The following RPS6KA5 variants were observed in gnomAD, a reference collection of about 807,000 sequenced individuals.
RPS6KA5 encodes the protein ribosomal protein S6 kinase alpha-5.
Under a neutral mutation model 85.5 loss-of-function variants are expected in RPS6KA5, and 27 were observed. The observed-to-expected ratio is 0.32, with a 90% CI of 0.23 to 0.44. RPS6KA5 has a LOEUF of 0.44. Among genes scored for constraint, RPS6KA5 ranks in the 20% least tolerant of loss-of-function variants. The probability of loss-of-function intolerance (pLI) is 1.00; values close to 1 mark genes in which losing one functional copy is unlikely to be tolerated. For missense variants in RPS6KA5, 811 were observed against 980.9 expected, an observed-to-expected ratio of 0.83 and a Z score of 2.31; for synonymous variants, 334 against 348.2, an observed-to-expected ratio of 0.96 and a Z score of 0.46.
chr14:91,060,458 C>A lies in RPS6KA5; in HGVS notation c.-24G>T. 2 of 1,417,964 alleles carry A rather than the reference C, an allele frequency of 1.4e-6. No individual in the cohort carries two copies. The highest frequency in any genetic ancestry group is 2.4e-5 in the Admixed American group (1 of 42,010). 87.8% of individuals were successfully genotyped at this position (1,417,964 alleles called of 1,614,324 possible). ...ATCTTCTCCTTTTTTTCCGATCCCG[C>A]GGGTCGCTACGAGGGGAACCCAGGA... On this transcript the variant is annotated 5_prime_UTR_variant, in exon 1 of 17. Coordinates refer to ENST00000614987, the MANE Select transcript of RPS6KA5 (RefSeq NM_004755.4).
At chr14:90,980,691 C>T (rs980232822) in intron 2 of RPS6KA5, among the ~76,000 whole-genome samples, 1 of 152,210 alleles carries the variant, frequency 6.6e-6, no homozygotes, top group Non-Finnish European at 1.5e-5. Flanking sequence ...GCCAGTCTTA[C>T]CTGTGGTCTA....
chr14:90,989,935 A>T (rs1436822168), intron 2 of RPS6KA5, among the ~76,000 whole-genome samples: 1 of 152,196 alleles, frequency 6.6e-6, no homozygotes, highest in South Asian at 2.1e-4. Flanking sequence ...ATCCAGAGGA[A>T]AGATTGCAGA....
At chr14:90,939,904 T>G (rs557600733) in intron 5 of RPS6KA5, among the ~76,000 whole-genome samples, 1 of 152,244 alleles carries the variant, frequency 6.6e-6, no homozygotes, top group Admixed American at 6.5e-5. Context: ...TATTTTGATA[T>G]GAGTTGGGGC....
intron 5 of RPS6KA5, among the ~76,000 whole-genome samples, chr14:90,934,831 T>C (rs1156940861): frequency 6.6e-6 from 1 of 152,164 alleles, no homozygotes; most frequent in Non-Finnish European, 1.5e-5. Flanking sequence ...AAAATCTCAC[T>C]AATGAACGGC....
intron 8 of RPS6KA5, among the ~76,000 whole-genome samples, chr14:90,903,600 T>C (rs181400604): frequency 1.3e-5 from 2 of 152,346 alleles, no homozygotes; most frequent in African/African-American, 2.4e-5. Flanking sequence ...CCCCATAGAA[T>C]AATGCAAGCC....
At chr14:91,001,935 G>T (rs77526070) in intron 1 of RPS6KA5, among the ~76,000 whole-genome samples, 3,224 of 152,192 alleles carry the variant, frequency 0.021, 46 homozygotes, top group Middle Eastern at 0.044. Context: ...AAAGTTAAAC[G>T]ATTTCTTTAC....
intron 1 of RPS6KA5, among the ~76,000 whole-genome samples, chr14:91,015,863 T>A (rs75113375): frequency 6.6e-6 from 1 of 152,360 alleles, no homozygotes; most frequent in African/African-American, 2.4e-5. Flanking sequence ...AATCTAATAC[T>A]ATGAAAACTG....
At chr14:90,932,141 T>G (rs903940332) in intron 5 of RPS6KA5, among the ~76,000 whole-genome samples, 1 of 152,200 alleles carries the variant, frequency 6.6e-6, no homozygotes, top group African/African-American at 2.4e-5. Flanking sequence ...TTCATTCATT[T>G]GAGACAGGGT....
chr14:90,852,992 A>G lies in RPS6KA5; in HGVS notation c.*19082T>C, dbSNP rs2032087559. On this transcript the variant is annotated 3_prime_UTR_variant, in exon 17 of 17. Transcript: ENST00000614987. ...GTGATCCGCCCGCCTCGGCCTCCCA[A>G]AGTGCTGGGATTACAGGCATGAACC... The G allele has an allele frequency of 6.6e-6, 1 of 152,064 alleles. No individual in the cohort carries two copies. Among genetic ancestry groups the G allele is most frequent in the Non-Finnish European group, 1.5e-5 (1 of 68,044 alleles). 9.4% of individuals were successfully genotyped at this position (152,064 alleles called of 1,614,324 possible).
chr14:91,022,301 T>A (rs2041819846), intron 1 of RPS6KA5, among the ~76,000 whole-genome samples: 1 of 152,198 alleles, frequency 6.6e-6, no homozygotes, highest in African/African-American at 2.4e-5. Flanking sequence ...TGTACAAGAA[T>A]AATGATCAAA....
chr14:90,948,724 CACA>C (rs199712567), intron 3 of RPS6KA5, among the ~76,000 whole-genome samples: 3,167 of 150,824 alleles, frequency 0.021, 46 homozygotes, highest in Middle Eastern at 0.041. Flanking sequence ...CCCCAAAAAA[CACA>C]ACAACAAAAA....
chr14:90,983,378 T>A (rs1381986542), intron 2 of RPS6KA5, among the ~76,000 whole-genome samples: 8 of 150,766 alleles, frequency 5.3e-5, no homozygotes, highest in Admixed American at 5.3e-4. Flanking sequence ...GGCAGGCAAA[T>A]CACTTGAGCC....
In RPS6KA5 at chr14:90,943,205, T is replaced by C. The variant is rs1278696021; in HGVS notation, c.511-20A>G. 3 of 1,338,728 alleles carry C rather than the reference T, an allele frequency of 2.2e-6. No homozygotes were observed. Among genetic ancestry groups the C allele is most frequent in the African/African-American group, 1.5e-5 (1 of 67,944 alleles). The allele number at this position is 1,338,728 out of a possible 1,614,324, so 82.9% of individuals were successfully genotyped here. ...CCCCAACTGCAAAAACAAAGAAATA[T>C]AAATTTTAAAATAATTTACAAAAAA... On this transcript the variant is annotated intron_variant, in intron 4 of 16. Coordinates refer to ENST00000614987, the MANE Select transcript of RPS6KA5 (RefSeq NM_004755.4).
At chr14:91,024,793 G>C (rs1156815880) in intron 1 of RPS6KA5, among the ~76,000 whole-genome samples, 1 of 152,090 alleles carries the variant, frequency 6.6e-6, no homozygotes. Flanking sequence ...GGCACATATT[G>C]CTGACATTTT....
At chr14:91,000,182 T>C (rs1211076317) in intron 2 of RPS6KA5, among the ~76,000 whole-genome samples, 1 of 152,214 alleles carries the variant, frequency 6.6e-6, no homozygotes, top group Non-Finnish European at 1.5e-5. Flanking sequence ...TATTTATATT[T>C]ATTCATATAA....
chr14:90,924,952 A>T (rs1255439082), intron 5 of RPS6KA5, among the ~76,000 whole-genome samples: 1 of 152,246 alleles, frequency 6.6e-6, no homozygotes, highest in African/African-American at 2.4e-5. Context: ...TTCTGGTGTA[A>T]AATCATCAAT....
chr14:90,949,524 C>T (rs540725475), intron 3 of RPS6KA5, among the ~76,000 whole-genome samples: 21 of 152,316 alleles, frequency 1.4e-4, no homozygotes, highest in South Asian at 1.0e-3. Context: ...CAATTGAACA[C>T]AAATTCTTAA....
chr14:90,913,277 G>A (rs1282046593), intron 7 of RPS6KA5, among the ~76,000 whole-genome samples: 1 of 152,034 alleles, frequency 6.6e-6, no homozygotes, highest in Admixed American at 6.6e-5. Flanking sequence ...TACACTGCTG[G>A]GAAGCCATCT....
chr14:90,884,714 C>T (rs2034073193), intron 14 of RPS6KA5, among the ~76,000 whole-genome samples: 1 of 152,182 alleles, frequency 6.6e-6, no homozygotes. Context: ...TTAAAATATC[C>T]TTCTATTGTT....
Sources: allele counts gnomAD v4.1 joint callset (sites outside exome capture counted in the v4.1 genomes callset), GRCh38; gene constraint gnomAD v4.1.1; transcripts MANE v1.5; gene names NCBI Gene and HGNC (gene_info 2026-07-23, HGNC 2026-07-21).